Variants in DGKQ observed in about 807,000 individuals in gnomAD.
The protein encoded by DGKQ is diacylglycerol kinase theta, also known as DAG kinase theta.
Under a neutral mutation model 104.2 loss-of-function variants are expected in DGKQ, and 97 were observed. The observed-to-expected ratio is 0.93, with a 90% confidence interval of 0.79 to 1.10. The LOEUF (loss-of-function observed/expected upper bound fraction) is 1.10. Ranked by LOEUF, DGKQ falls within the 50% of genes least tolerant of loss-of-function variation. The pLI, the probability that DGKQ is intolerant of heterozygous loss-of-function variation, is 0.00. For synonymous variants in DGKQ, 736 were observed against 595.2 expected (o/e 1.24, Z -3.44); for missense variants, 1,465 against 1,352.1 (o/e 1.08, Z -1.31).
intron 5 of DGKQ, 36 bp downstream of exon 5, chr4:968,224 CACCCAACCCCGCACCTCTCCTG>C: frequency 1.1e-6 from 1 of 892,504 alleles, no homozygotes. Flanking sequence ...TCCCAGCACC[CACCCAACCCCGCACCTCTCCTG>C]CCCCACCCCC....
rs766007625 is a variant in DGKQ at position 965,969 on chromosome 4, T to G, written c.1538A>C (p.Glu513Ala). 3.1e-6 allele frequency: 5 copies of G among 1,605,584 alleles called. No individual in the cohort carries two copies. The East Asian group carries it at 1.1e-4, about 36-fold the overall frequency. Reference protein sequence around the residue: ...VGGLPPGLSPEEYSSLLHEAG... With the variant: ...VGGLPPGLSPAEYSSLLHEAG... ...CTCATGCAGCAGGCTGCTGTACTCC[T>G]CGGGAGACAGGCCGGGAGGCAGGCC... Residue 513 changes from glutamate to alanine, a missense_variant, in exon 13 of 23, where the codon GAG (glutamate) becomes GCG (alanine). By Grantham distance (107) the Glu-to-Ala change is moderately radical (BLOSUM62 -1). Coordinates refer to ENST00000273814, the MANE Select transcript of DGKQ (RefSeq NM_001347.4).
chr4:967,467 G>C (rs1712486762), intron 8 of DGKQ, 82 bp downstream of exon 8: 11 of 1,488,914 alleles, frequency 7.4e-6, no homozygotes, highest in Non-Finnish European at 1.0e-5. Flanking sequence ...GCGCCAGGTT[G>C]GGGGAGCCAG....
Position 961,106 on chromosome 4 carries a change from G to A in DGKQ, c.2670C>T (p.Asp890=), listed in dbSNP as rs367975881. 1.2e-4 allele frequency: 201 copies of A among 1,611,940 alleles called. 3 individuals are homozygous for A. The South Asian group carries it at 1.7e-3, about 14-fold the overall frequency. ...CCGGGGCCTGGACCCAGGGCTCCCC[G>A]TCCACCTGCACCGGGGTGGCCTTGA... ...TLLKATPVQV[D]GEPWVQAPGH... The change falls in exon 22 of 23, where the codon GAC becomes GAT. Residue 890 remains aspartate (D), a synonymous_variant. Coordinates refer to ENST00000273814, the MANE Select transcript of DGKQ (RefSeq NM_001347.4).
In DGKQ at chr4:968,275, C is replaced by A. The variant is rs767271472; in HGVS notation, c.663+7G>T. 7 of 1,479,256 alleles carry A rather than the reference C, an allele frequency of 4.7e-6. No individual in the cohort carries two copies. The highest frequency in any genetic ancestry group is 4.4e-5 in the African/African-American group (3 of 68,426). 91.6% of individuals were successfully genotyped at this position (1,479,256 alleles called of 1,614,324 possible). A position where few individuals can be genotyped will look rare whatever the true frequency, so the allele number is the denominator to read the frequency against. On this transcript the variant is annotated splice_region_variant and intron_variant, in intron 5 of 22. Transcript: ENST00000273814. The stretch of plus-strand genomic sequence containing the variant: ...CACCCCCACCCCCTCGACTTCCCAG[C>A]GCCCACCTGGACCCCGCACCACTCG...
rs372034819 is a variant in DGKQ, at chr4:967,856, C to T, written c.811+24G>A. 1.6e-4 allele frequency: 232 copies of T among 1,484,490 alleles called. No individual in the cohort carries two copies. The African/African-American group carries it at 3.0e-3, about 19-fold the overall frequency. The allele number at this position is 1,484,490 out of a possible 1,614,324, so 92.0% of individuals were successfully genotyped here. ...TCAGTGCGCAGCCCCCAGCCCAGGG[C>T]GCCCCGGCCGGCCCGCACCTCACCC... On this transcript the variant is annotated intron_variant, in intron 6 of 22. Coordinates refer to ENST00000273814, the MANE Select transcript of DGKQ (RefSeq NM_001347.4).
chr4:972,925 G>A (rs920795846), intron 1 of DGKQ, among the ~76,000 whole-genome samples: 1 of 152,090 alleles, frequency 6.6e-6, no homozygotes, highest in Non-Finnish European at 1.5e-5. Context: ...AGCCGGCCAT[G>A]GGGACCCCAG....
Position 973,243 on chromosome 4 carries a change from G to A in DGKQ, c.240C>T (p.Phe80=). Residue 80 remains phenylalanine, a synonymous_variant, in exon 1 of 23, where the codon TTC becomes TTT. Coordinates refer to ENST00000273814, the MANE Select transcript of DGKQ (RefSeq NM_001347.4). ...KPTFCHLCSD[F]IWGLAGFLCD... is the part of the protein sequence containing the mutation. ...ACAGGAAGCCGGCCAGCCCCCAGATGAAGTCGGAGCAGAGGTGGCAGAAGG... is the reference window on the plus strand; with the variant it reads ...ACAGGAAGCCGGCCAGCCCCCAGATAAAGTCGGAGCAGAGGTGGCAGAAGG... 1 of 1,562,970 alleles carries A rather than the reference G, an allele frequency of 6.4e-7. No individual in the cohort carries two copies. The highest frequency in any genetic ancestry group is 8.6e-7 in the Non-Finnish European group (1 of 1,157,620).
intron 1 of DGKQ, 127 bp downstream of exon 1, chr4:973,085 C>T: frequency 1.6e-6 from 2 of 1,280,062 alleles, no homozygotes; most frequent in Non-Finnish European, 2.0e-6. Context: ...GAAGGCACGT[C>T]CCGCGAGCAG....
rs201807167 is a variant in DGKQ at position 961,680 on chromosome 4, G to T, written c.2462+8C>A. 1.3e-5 allele frequency: 21 copies of T among 1,612,218 alleles called. No homozygotes were observed. Among genetic ancestry groups the T allele is most frequent in the East Asian group, 8.9e-5 (4 of 44,876 alleles). On this transcript the variant is annotated splice_region_variant and intron_variant, in intron 20 of 22. Coordinates refer to ENST00000273814, the MANE Select transcript of DGKQ (RefSeq NM_001347.4). The stretch of plus-strand genomic sequence containing the variant: ...GCAGAGCCTCTGGGGAGCCCCGCCC[G>T]CGAGCACCTGGGGATGTTGATGAAG...
chr4:968,446 C>T (rs1432899448), intron 4 of DGKQ, 33 bp downstream of exon 4: 3 of 1,590,732 alleles, frequency 1.9e-6, no homozygotes, highest in Middle Eastern at 1.7e-4. Flanking sequence ...GCCCGCCCCA[C>T]CCCCCAGGGC....
intron 19 of DGKQ, 28 bp downstream of exon 19, chr4:961,954 C>T: frequency 6.2e-7 from 1 of 1,611,750 alleles, no homozygotes; most frequent in Non-Finnish European, 8.5e-7. Flanking sequence ...ATGCCGTTGA[C>T]AGGTGGTAGC....
rs1711734261 is a variant in DGKQ, at chr4:959,720, A to G, written c.*900T>C. On this transcript the variant is annotated 3_prime_UTR_variant, in exon 23 of 23. Coordinates refer to ENST00000273814, the MANE Select transcript of DGKQ (RefSeq NM_001347.4). ...GGGGCTGAAAGCCAGCTCCTCCTCC[A>G]CGTGCATGGGCTGTTTACACCTCCC... is the stretch of plus-strand genomic sequence containing the variant. The G allele has an allele frequency of 1.8e-5, 1 of 56,754 alleles. No homozygotes were observed. 3.5% of individuals were successfully genotyped at this position (56,754 alleles called of 1,614,324 possible). A position where few individuals can be genotyped will look rare whatever the true frequency, so the allele number is the denominator to read the frequency against.
At chr4:962,232 T>C in intron 18 of DGKQ, 150 bp from the exon 19 acceptor site, 2 of 890,932 alleles carry the variant, frequency 2.2e-6, no homozygotes, top group Non-Finnish European at 3.4e-6. Flanking sequence ...GGGCAGGTCC[T>C]GGCCAGGCTC....
In DGKQ at chr4:967,299, C is replaced by T. The variant is rs1433282986; in HGVS notation, c.1050G>A (p.Leu350=). The T allele has an allele frequency of 2.6e-6, 4 of 1,542,252 alleles. No individual in the cohort carries two copies. The highest frequency in any genetic ancestry group is 1.9e-5 in the Admixed American group (1 of 51,838). The change falls in exon 9 of 23, where the codon CTG becomes CTA. Residue 350 remains leucine, a synonymous_variant. Coordinates refer to ENST00000273814, the MANE Select transcript of DGKQ (RefSeq NM_001347.4). ...CGTCACAGGCCTGAGAGGAAGGGGGCAGCCGGCACAGCTCCAGGTGGCCAG... is the reference window on the plus strand; with the variant it reads ...CGTCACAGGCCTGAGAGGAAGGGGGTAGCCGGCACAGCTCCAGGTGGCCAG... ...EDPGHLELCR[L]PPSSQACDAW... is the part of the protein sequence containing the mutation.
chr4:965,516 G>T lies in DGKQ; in HGVS notation c.1593C>A (p.Ser531=). 6.2e-7 allele frequency: 1 copy of T among 1,611,904 alleles called. No individual in the cohort carries two copies. Among genetic ancestry groups the T allele is most frequent in the East Asian group, 2.2e-5 (1 of 44,856 alleles). ...EAGATKATVV[S]VSHIYSSQGA... Reference sequence around the variant, plus strand: ...CTTGGGAGGAGTAGATGTGACTCACGGACACCACGGTGGCTGCAAAGGCAG... The same window carrying T: ...CTTGGGAGGAGTAGATGTGACTCACTGACACCACGGTGGCTGCAAAGGCAG... Residue 531 remains serine (S), a synonymous_variant, in exon 14 of 23, where the codon TCC becomes TCA. Coordinates refer to ENST00000273814, the MANE Select transcript of DGKQ (RefSeq NM_001347.4).
intron 2 of DGKQ, among the ~76,000 whole-genome samples, chr4:969,996 A>G (rs528712224): frequency 6.6e-6 from 1 of 152,404 alleles, no homozygotes; most frequent in South Asian, 2.1e-4. Flanking sequence ...TATAGAAGAC[A>G]TTAAAATCAA....
chr4:972,488 C>T (rs1227275826), intron 1 of DGKQ, among the ~76,000 whole-genome samples: 2 of 152,338 alleles, frequency 1.3e-5, no homozygotes, highest in African/African-American at 2.4e-5. Context: ...CCCACCTCAG[C>T]GTCCCTGGCC....
Position 963,122 on chromosome 4 carries a change from G to A in DGKQ, c.1886+17C>T, listed in dbSNP as rs368585188. Reference sequence around the variant, plus strand: ...GCCCCTGCTGCTGCCCTGGACCAGGGGTCCTGCTGGACTCACCCGGGAAGA... The same window carrying A: ...GCCCCTGCTGCTGCCCTGGACCAGGAGTCCTGCTGGACTCACCCGGGAAGA... On this transcript the variant is annotated intron_variant, in intron 16 of 22. Transcript: ENST00000273814. 17 of 1,585,376 alleles carry A rather than the reference G, an allele frequency of 1.1e-5. No individual in the cohort carries two copies. Among genetic ancestry groups the A allele is most frequent in the African/African-American group, 5.4e-5 (4 of 74,216 alleles).
intron 12 of DGKQ, 28 bp downstream of exon 12, chr4:966,438 C>CT: frequency 6.2e-7 from 1 of 1,609,902 alleles, no homozygotes; most frequent in Non-Finnish European, 8.5e-7. Flanking sequence ...TGCTGGTTCC[C>CT]TGGGGGCCGG....
Sources: gnomAD v4.1 joint callset for allele counts (sites outside exome capture counted in the v4.1 genomes callset) on GRCh38, gnomAD v4.1.1 for gene constraint, MANE v1.5 for transcripts, NCBI Gene and HGNC (gene_info 2026-07-23, HGNC 2026-07-21) for gene names.